The following CEMIP variants were observed in gnomAD, a reference collection of about 807,000 sequenced individuals.
CEMIP encodes cell migration inducing hyaluronidase 1.
Under a neutral mutation model 156.9 loss-of-function variants are expected in CEMIP, and 105 were observed. The ratio of observed to expected loss-of-function variants is 0.67; its 90% CI spans 0.57 to 0.79. The LOEUF (loss-of-function observed/expected upper bound fraction) is 0.79, where lower values mean the gene tolerates loss of function less well. Ranked by LOEUF, CEMIP falls within the 30% of genes least tolerant of loss-of-function variation. The pLI, the probability that CEMIP is intolerant of heterozygous loss-of-function variation, is 0.00. For synonymous variants in CEMIP, 676 were observed against 668.4 expected (o/e 1.01, Z -0.17); for missense variants, 1,457 against 1,769.4 (o/e 0.82, Z 3.17).
intron 1 of CEMIP, among the ~76,000 whole-genome samples, chr15:80,848,706 CAGGA>C: frequency 6.6e-6 from 1 of 152,274 alleles, no homozygotes; most frequent in South Asian, 2.1e-4. Context: ...AGAAGGGGTG[CAGGA>C]AGCTGCACCC....
chr15:80,928,871 G>A lies in CEMIP; in HGVS notation c.2421-31G>A, dbSNP rs749363216. 27 of 1,612,900 alleles carry A rather than the reference G, an allele frequency of 1.7e-5. No homozygotes were observed. The South Asian group carries it at 2.9e-4, about 17-fold the overall frequency. On this transcript the variant is annotated intron_variant, in intron 19 of 29. Coordinates refer to ENST00000394685, the MANE Select transcript of CEMIP (RefSeq NM_001293298.2). ...TCCACTGAATGTGAAGCCAGGGCAT[G>A]CTCTGACTATCTATCTGCTCTTGCC...
rs769018998 is a variant in CEMIP at position 80,873,868 on chromosome 15, C to G, written c.-12C>G. On this transcript the variant is annotated 5_prime_UTR_variant, in exon 3 of 30. Transcript: ENST00000394685. ...CTCTGTGTGCTTCTCTTTCAGGGAG[C>G]ACACTGCCAGGATGGGAGCTGCTGG... is the stretch of plus-strand genomic sequence containing the variant. 3.8e-6 allele frequency: 6 copies of G among 1,571,170 alleles called. No homozygotes were observed. Among genetic ancestry groups the G allele is most frequent in the East Asian group, 4.6e-5 (2 of 43,458 alleles).
chr15:80,890,424 CA>C (rs35179100), intron 10 of CEMIP, among the ~76,000 whole-genome samples: 10,899 of 121,578 alleles, frequency 0.09, 658 homozygotes, highest in African/African-American at 0.2. Flanking sequence ...ACTAAAAATA[CA>C]AAAAAAAAAA....
At chr15:80,900,646 G>GTGTC (rs1567090969) in intron 12 of CEMIP, among the ~76,000 whole-genome samples, 3 of 117,416 alleles carry the variant, frequency 2.6e-5, no homozygotes, top group East Asian at 4.4e-4. Flanking sequence ...GTGTGTGTGT[G>GTGTC]TGTCTGTGTG....
At chr15:80,916,920 T>A (rs1900295576) in intron 14 of CEMIP, among the ~76,000 whole-genome samples, 1 of 152,200 alleles carries the variant, frequency 6.6e-6, no homozygotes, top group African/African-American at 2.4e-5. Context: ...TCTTTTTCTT[T>A]CTGGCATTGT....
chr15:80,902,218 G>A (rs1008137268), intron 12 of CEMIP, among the ~76,000 whole-genome samples: 1 of 152,216 alleles, frequency 6.6e-6, no homozygotes, highest in Non-Finnish European at 1.5e-5. Flanking sequence ...CACCTGCAGA[G>A]TAAAGACTAG....
intron 1 of CEMIP, among the ~76,000 whole-genome samples, chr15:80,860,088 G>C (rs1897949246): frequency 6.6e-6 from 1 of 152,174 alleles, no homozygotes; most frequent in Admixed American, 6.5e-5. Flanking sequence ...AGCTCAGGTT[G>C]TTGGCTCCGC....
intron 12 of CEMIP, among the ~76,000 whole-genome samples, chr15:80,898,797 A>C (rs923828575): frequency 1.3e-5 from 2 of 152,192 alleles, no homozygotes; most frequent in Non-Finnish European, 2.9e-5. Context: ...TGTGGATGCC[A>C]TCTCTGTCAG....
intron 6 of CEMIP, among the ~76,000 whole-genome samples, chr15:80,883,119 CTTAGA>C (rs1001969826): frequency 1.3e-5 from 2 of 152,130 alleles, no homozygotes; most frequent in Non-Finnish European, 2.9e-5. Flanking sequence ...CAAAAACCTC[CTTAGA>C]TTACTTTCCC....
intron 1 of CEMIP, chr15:80,841,979 C>T (rs917277275): frequency 2.5e-6 from 1 of 396,986 alleles, no homozygotes; most frequent in Non-Finnish European, 5.0e-6. Context: ...TAGCACAGTG[C>T]CTGGGATATA....
At chr15:80,935,998 A>G (rs1451271271) in intron 23 of CEMIP, among the ~76,000 whole-genome samples, 1 of 152,218 alleles carries the variant, frequency 6.6e-6, no homozygotes, top group African/African-American at 2.4e-5. Flanking sequence ...TCGGCCTCCC[A>G]AAGTGCTGGG....
Position 80,922,144 on chromosome 15 carries a change from CT to C in CEMIP, c.2202+10del. ...AGCACATTCCAACTACCGGGTAAGT[CT>C]TTCCAGGCTGCGCCTCTCTGGCCAG... On this transcript the variant is annotated splice_region_variant and intron_variant, in intron 17 of 29. Transcript: ENST00000394685. The C allele has an allele frequency of 1.9e-6, 3 of 1,614,118 alleles. No homozygotes were observed. Among genetic ancestry groups the C allele is most frequent in the Middle Eastern group, 1.6e-4 (1 of 6,062 alleles).
Position 80,909,080 on chromosome 15 carries a change from C to G in CEMIP, c.1588-17C>G. On this transcript the variant is annotated splice_polypyrimidine_tract_variant and intron_variant, in intron 13 of 29. Transcript: ENST00000394685. ...GCATCTCATGGGCTCCTCTGACTCT[C>G]GGTTCTCCTCTCCTAGTTTGCTCTG... is the stretch of plus-strand genomic sequence containing the variant. The G allele has an allele frequency of 1.2e-6, 2 of 1,612,480 alleles. No individual in the cohort carries two copies. Among genetic ancestry groups the G allele is most frequent in the Non-Finnish European group, 1.7e-6 (2 of 1,179,352 alleles).
At chr15:80,943,720 G>A (rs751279836) in intron 28 of CEMIP, among the ~76,000 whole-genome samples, 16 of 152,064 alleles carry the variant, frequency 1.1e-4, no homozygotes, top group Non-Finnish European at 2.2e-4. Flanking sequence ...CTCGCCTGCT[G>A]GTTCCCTCCA....
rs16972352 is a variant in CEMIP, at chr15:80,792,696, A to G, written c.-176+13082A>G. ...TGCTGTGACTTTGGGGGAATTTACA[A>G]ACTTTAAACCTTTGGCAAGCTATGG... On this transcript the variant is annotated intron_variant, in intron 1 of 29. Transcript: ENST00000394685. Among the ~76,000 whole-genome samples, 396 of 152,286 alleles carry G rather than the reference A, an allele frequency of 2.6e-3. 4 individuals are homozygous for G. Among genetic ancestry groups the G allele is most frequent in the African/African-American group, 9.0e-3 (374 of 41,566 alleles).
chr15:80,823,070 A>C (rs1390617857), intron 1 of CEMIP, among the ~76,000 whole-genome samples: 1 of 152,146 alleles, frequency 6.6e-6, no homozygotes, highest in Non-Finnish European at 1.5e-5. Flanking sequence ...TAACAATAAC[A>C]ACAACAACAA....
intron 1 of CEMIP, among the ~76,000 whole-genome samples, chr15:80,830,556 G>A (rs11072949): frequency 0.26 from 39,454 of 151,980 alleles, 5,165 homozygotes; most frequent in East Asian, 0.4. Context: ...CTCCTGCCTC[G>A]AGGGTACTTT....
At chr15:80,784,374 G>A (rs990674436) in intron 1 of CEMIP, among the ~76,000 whole-genome samples, 7 of 152,174 alleles carry the variant, frequency 4.6e-5, no homozygotes, top group East Asian at 1.9e-4. Flanking sequence ...ACGGAGGAGG[G>A]AGGGCCACAG....
intron 6 of CEMIP, 101 bp downstream of exon 6, chr15:80,881,237 A>G: frequency 9.8e-7 from 1 of 1,015,358 alleles, no homozygotes; most frequent in South Asian, 1.3e-5. Flanking sequence ...GGAGAACAGC[A>G]GTGAATGAAA....
Sources: gnomAD v4.1 joint callset for allele counts (sites outside exome capture counted in the v4.1 genomes callset) on GRCh38, gnomAD v4.1.1 for gene constraint, MANE v1.5 for transcripts, NCBI Gene and HGNC (gene_info 2026-07-23, HGNC 2026-07-21) for gene names.